NEO1: variants seen among roughly 807,000 people sequenced by gnomAD.
NEO1 encodes neogenin 1.
NEO1 carries 63 observed loss-of-function variants against 159.7 expected under a neutral mutation model. The observed-to-expected ratio is 0.39, with a 90% CI of 0.32 to 0.49. The LOEUF is 0.49. Ranked by LOEUF, NEO1 falls within the 20% of genes least tolerant of loss-of-function variation. The pLI is 0.85. For missense variants in NEO1, 1,615 were observed against 1,831.0 expected (o/e 0.88, Z 2.15); for synonymous variants, 633 against 662.0 (o/e 0.96, Z 0.67).
chr15:73,094,208 C>G, intron 1 of NEO1, among the ~76,000 whole-genome samples: 1 of 152,154 alleles, frequency 6.6e-6, no homozygotes, highest in East Asian at 1.9e-4. Context: ...CAAAAGAAAT[C>G]TTATACCCCA....
chr15:73,217,001 G>C (rs2037931170), intron 7 of NEO1, among the ~76,000 whole-genome samples: 2 of 152,016 alleles, frequency 1.3e-5, no homozygotes, highest in African/African-American at 4.8e-5. Context: ...TGAAGTCCTT[G>C]CCCATGCCTG....
intron 7 of NEO1, among the ~76,000 whole-genome samples, chr15:73,216,660 G>C (rs2037903950): frequency 6.6e-6 from 1 of 152,010 alleles, no homozygotes; most frequent in South Asian, 2.1e-4. Context: ...TTGTGGTTTT[G>C]ATTTGCATTG....
At chr15:73,136,223 C>G (rs887762263) in intron 5 of NEO1, among the ~76,000 whole-genome samples, 196 bp downstream of exon 5, 4 of 152,084 alleles carry the variant, frequency 2.6e-5, no homozygotes, top group Admixed American at 2.6e-4. Flanking sequence ...TTTAATTTCT[C>G]TCAACCTCAT....
At position 73,067,046 on chromosome 15, in the gene NEO1, C is replaced by T. The variant is rs565094784; in HGVS notation, c.130+14241C>T. 2.6e-4 allele frequency among the ~76,000 whole-genome samples: 40 copies of T among 152,308 alleles called. No homozygotes were observed. The East Asian group carries it at 2.9e-3, about 11-fold the overall frequency. On this transcript the variant is annotated intron_variant, in intron 1 of 28. Transcript: ENST00000261908. Reference sequence around the variant, plus strand: ...CTCTATCATTCCTGAAAGCTGAATTCTCTCAATGCCTCTTTCATCATTTCT... The same window carrying T: ...CTCTATCATTCCTGAAAGCTGAATTTTCTCAATGCCTCTTTCATCATTTCT...
At chr15:73,266,474 C>A in intron 16 of NEO1, 63 bp downstream of exon 16, 1 of 1,278,314 alleles carries the variant, frequency 7.8e-7, no homozygotes. Context: ...AGAATATTGG[C>A]ATGAGGCCTA....
chr15:73,274,796 C>CTTT, intron 21 of NEO1, 72 bp downstream of exon 21: 317 of 1,073,340 alleles, frequency 3.0e-4, no homozygotes, highest in South Asian at 9.5e-4. Context: ...GTTTTTGTTT[C>CTTT]TTTTTTTTTT....
intron 7 of NEO1, among the ~76,000 whole-genome samples, chr15:73,235,137 GTATT>G (rs1295844929): frequency 6.6e-6 from 1 of 152,088 alleles, no homozygotes; most frequent in African/African-American, 2.4e-5. Flanking sequence ...TTCACGTGGC[GTATT>G]TATTTAGACT....
chr15:73,097,776 C>CTTTTTTTTTTTTT (rs34165169), intron 1 of NEO1, among the ~76,000 whole-genome samples: 11 of 75,556 alleles, frequency 1.5e-4, no homozygotes, highest in African/African-American at 2.5e-4. Context: ...TGGAACTAGC[C>CTTTTTTTTTTTTT]TTTTTTTTTT....
chr15:73,204,199 A>G (rs1387433783), intron 7 of NEO1, among the ~76,000 whole-genome samples: 1 of 151,650 alleles, frequency 6.6e-6, no homozygotes, highest in Non-Finnish European at 1.5e-5. Context: ...TCTTATCATT[A>G]TTCCTCTGGA....
intron 4 of NEO1, 131 bp downstream of exon 4, chr15:73,126,701 C>A: frequency 1.4e-6 from 1 of 716,050 alleles, no homozygotes; most frequent in Non-Finnish European, 2.2e-6. Context: ...CATATGTCAT[C>A]CTTCAAATAT....
At chr15:73,154,124 T>A (rs2033593792) in intron 5 of NEO1, among the ~76,000 whole-genome samples, 2 of 152,134 alleles carry the variant, frequency 1.3e-5, no homozygotes, top group South Asian at 4.1e-4. Flanking sequence ...TAAGGAAAAT[T>A]GATTTCCCTA....
chr15:73,132,618 A>G lies in NEO1; in HGVS notation c.879-3273A>G, dbSNP rs532534381. Among the ~76,000 whole-genome samples the G allele has an allele frequency of 2.6e-5, 4 of 152,342 alleles. No homozygotes were observed. The East Asian group carries it at 5.8e-4, about 22-fold the overall frequency. On this transcript the variant is annotated intron_variant, in intron 4 of 28. Coordinates refer to ENST00000261908, the MANE Select transcript of NEO1 (RefSeq NM_002499.4). ...CAGACAACCCAGAGCTCGGGAGAAAAGCTTCACAATCTATACATCTGACAA... is the reference window on the plus strand; with the variant it reads ...CAGACAACCCAGAGCTCGGGAGAAAGGCTTCACAATCTATACATCTGACAA...
At chr15:73,068,230 C>A (rs1452070473) in intron 1 of NEO1, among the ~76,000 whole-genome samples, 1 of 114,188 alleles carries the variant, frequency 8.8e-6, no homozygotes, top group Non-Finnish European at 2.1e-5. Context: ...CCTACCCCCC[C>A]CCCTTTTTTT....
chr15:73,266,426 CT>C lies in NEO1; in HGVS notation c.2494+18del. ...GCCTCACACAGGTAAGGTATCCTAT[CT>C]TTCCTAGTCTCCAGCACTTTTCCTA... On this transcript the variant is annotated intron_variant, in intron 16 of 28. Coordinates refer to ENST00000261908, the MANE Select transcript of NEO1 (RefSeq NM_002499.4). The C allele has an allele frequency of 6.3e-7, 1 of 1,587,364 alleles. No homozygotes were observed. Among genetic ancestry groups the C allele is most frequent in the Non-Finnish European group, 8.6e-7 (1 of 1,161,156 alleles).
chr15:73,146,874 C>G (rs1004658957), intron 5 of NEO1, among the ~76,000 whole-genome samples: 1 of 152,102 alleles, frequency 6.6e-6, no homozygotes. Context: ...AGGCAAAATG[C>G]AACCTAAGAA....
intron 5 of NEO1, among the ~76,000 whole-genome samples, chr15:73,146,922 C>G (rs1247194831): frequency 1.3e-5 from 2 of 152,082 alleles, no homozygotes; most frequent in Non-Finnish European, 2.9e-5. Context: ...ACTAAAATGA[C>G]CCCAATGAGG....
At chr15:73,169,820 T>A (rs1295609148) in intron 5 of NEO1, among the ~76,000 whole-genome samples, 1 of 151,822 alleles carries the variant, frequency 6.6e-6, no homozygotes, top group East Asian at 1.9e-4. Context: ...TAGAAAAAAA[T>A]TAGTATGCTA....
intron 25 of NEO1, among the ~76,000 whole-genome samples, chr15:73,290,835 T>C (rs1461829011): frequency 6.6e-6 from 1 of 152,064 alleles, no homozygotes; most frequent in Admixed American, 6.5e-5. Context: ...TGCAACGAGG[T>C]ACACCATGAC....
At chr15:73,202,974 A>T (rs369656992) in intron 7 of NEO1, among the ~76,000 whole-genome samples, 2 of 152,128 alleles carry the variant, frequency 1.3e-5, no homozygotes, top group East Asian at 3.8e-4. Context: ...TTTAATTCTG[A>T]ATAATATTTT....
Sources: allele counts gnomAD v4.1 joint callset (sites outside exome capture counted in the v4.1 genomes callset), GRCh38; gene constraint gnomAD v4.1.1; transcripts MANE v1.5; gene names NCBI Gene and HGNC (gene_info 2026-07-23, HGNC 2026-07-21).